The following MACF1 variants were observed in gnomAD, a reference collection of about 807,000 sequenced individuals.
MACF1 encodes the protein microtubule actin crosslinking factor 1.
In MACF1, 193 loss-of-function variants were observed where a neutral mutation model predicts 854.8. The observed-to-expected ratio is 0.23, with a 90% CI of 0.20 to 0.25. The LOEUF (loss-of-function observed/expected upper bound fraction) is 0.25. Among genes scored for constraint, MACF1 ranks in the 10% least tolerant of loss-of-function variants. The probability of loss-of-function intolerance (pLI) is 1.00; values close to 1 mark genes in which losing one functional copy is unlikely to be tolerated. For missense variants in MACF1, 7,722 were observed against 8,929.1 expected (o/e 0.86, Z 5.45); for synonymous variants, 3,185 against 3,226.7 (o/e 0.99, Z 0.44).
chr1:39,281,363 A>G (rs1381161267), intron 6 of MACF1, among the ~76,000 whole-genome samples: 1 of 152,174 alleles, frequency 6.6e-6, no homozygotes, highest in East Asian at 1.9e-4. Flanking sequence ...ATATGACTGT[A>G]TACTTAAATG....
intron 95 of MACF1, chr1:39,468,312 C>A: frequency 4.5e-6 from 1 of 222,188 alleles, no homozygotes; most frequent in Non-Finnish European, 9.0e-6. Flanking sequence ...TTGCTTGAAC[C>A]TGGGAGGCAG....
In MACF1 at chr1:39,441,294, A is replaced by G. The variant is rs1188503313; in HGVS notation, c.18641A>G (p.Gln6214Arg). The change falls in exon 74 of 101, where the codon CAA becomes CGA. Residue 6214 changes from glutamine (Q) to arginine (R), a missense_variant. Physicochemically the swap from Gln to Arg is conservative, Grantham distance 43 (BLOSUM62 1). Around this residue, in one of 15 missense-constraint regions of MACF1, gnomAD observed 2,807 missense variants for 3,235.8 expected, o/e 0.87. Transcript: ENST00000564288. ...CTAGAAAAACTTGAGGATGCTATGC[A>G]AGCTGCTGTGCAGTATCAGGACACT... ...ERLEKLEDAM[Q>R]AAVQYQDTLQ... The G allele has an allele frequency of 6.2e-7, 1 of 1,614,186 alleles. No individual in the cohort carries two copies. Among genetic ancestry groups the G allele is most frequent in the South Asian group, 1.1e-5 (1 of 91,080 alleles).
At chr1:39,179,352 A>C (rs367961708) in intron 2 of MACF1, among the ~76,000 whole-genome samples, 1 of 152,168 alleles carries the variant, frequency 6.6e-6, no homozygotes, top group Non-Finnish European at 1.5e-5. Flanking sequence ...GATGAACCAT[A>C]CATGGGAGAG....
chr1:39,294,991 A>G (rs901212966), intron 18 of MACF1, 55 bp from the exon 19 acceptor site: 15 of 1,276,138 alleles, frequency 1.2e-5, no homozygotes, highest in South Asian at 9.7e-5. Context: ...TATTTATGCT[A>G]TCCGCTCCCC....
intron 47 of MACF1, among the ~76,000 whole-genome samples, chr1:39,360,264 T>A (rs1334697093): frequency 6.6e-6 from 1 of 151,670 alleles, no homozygotes; most frequent in Non-Finnish European, 1.5e-5. Flanking sequence ...CCTTCTGGGC[T>A]TCTCGAGGAC....
At chr1:39,448,823 C>G in intron 84 of MACF1, 60 bp downstream of exon 84, 2 of 1,388,360 alleles carry the variant, frequency 1.4e-6, no homozygotes. Flanking sequence ...GAGGTTCTTA[C>G]CAGATTCTAT....
chr1:39,110,230 C>CTTTTTTTT (rs5773651), intron 2 of MACF1, among the ~76,000 whole-genome samples: 10 of 84,592 alleles, frequency 1.2e-4, no homozygotes, highest in Admixed American at 1.7e-4. Context: ...GGATGTTGTT[C>CTTTTTTTT]TTTTTTTTTT....
chr1:39,137,643 G>C (rs1007248982), intron 2 of MACF1, among the ~76,000 whole-genome samples: 3 of 152,208 alleles, frequency 2.0e-5, no homozygotes, highest in African/African-American at 7.2e-5. Flanking sequence ...TGGGATTATA[G>C]GCATGAGCCA....
intron 94 of MACF1, 42 bp downstream of exon 94, chr1:39,463,728 C>A: frequency 6.4e-7 from 1 of 1,561,822 alleles, no homozygotes; most frequent in South Asian, 1.1e-5. Flanking sequence ...GGTGGTTTCT[C>A]ATATGTGGCT....
rs1035752941 is a variant in MACF1 at position 39,459,167 on chromosome 1, T to G, written c.21278T>G (p.Leu7093Arg). The change falls in exon 91 of 101, where the codon CTT (leucine) becomes CGT (arginine). Residue 7093 changes from leucine to arginine, a missense_variant. Coordinates refer to ENST00000564288, the MANE Select transcript of MACF1 (RefSeq NM_001394062.1). ...SEAKNPRINQLSARWQQVWLL... is the reference protein window; with the variant it reads ...SEAKNPRINQRSARWQQVWLL... ...GCAAAAAACCCACGGATCAACCAGC[T>G]TTCTGCCCGCTGGCAGCAGGTGTGG... The G allele has an allele frequency of 6.2e-7, 1 of 1,614,166 alleles. No homozygotes were observed. Among genetic ancestry groups the G allele is most frequent in the Admixed American group, 1.7e-5 (1 of 60,012 alleles).
At chr1:39,372,360 T>C in intron 51 of MACF1, 119 bp from the exon 52 acceptor site, 1 of 614,716 alleles carries the variant, frequency 1.6e-6, no homozygotes. Flanking sequence ...AATAAATAAA[T>C]CAGAAGGATG....
intron 58 of MACF1, among the ~76,000 whole-genome samples, chr1:39,407,623 C>A (rs1449261353): frequency 1.3e-5 from 2 of 152,106 alleles, no homozygotes; most frequent in East Asian, 1.9e-4. Context: ...AGAGAAAGGT[C>A]TTTTAGTTGC....
intron 97 of MACF1, among the ~76,000 whole-genome samples, chr1:39,477,406 G>T (rs1039704082): frequency 7.3e-5 from 11 of 151,640 alleles, no homozygotes; most frequent in African/African-American, 2.7e-4. Flanking sequence ...TTAATTTTTT[G>T]CAGAGATGGA....
At chr1:39,463,341 T>A (rs1432281751) in intron 93 of MACF1, among the ~76,000 whole-genome samples, 1 of 151,990 alleles carries the variant, frequency 6.6e-6, no homozygotes, top group African/African-American at 2.4e-5. Flanking sequence ...ATACAAAAAA[T>A]TAGCTGGGCC....
intron 58 of MACF1, among the ~76,000 whole-genome samples, chr1:39,395,455 T>C (rs1339789075): frequency 6.6e-6 from 1 of 152,264 alleles, no homozygotes; most frequent in Non-Finnish European, 1.5e-5. Context: ...TTATTTTTGC[T>C]GGCCTTAATC....
In MACF1 at chr1:39,361,082, G is replaced by A. The variant is rs1569701064; in HGVS notation, c.12453+81G>A. The A allele has an allele frequency of 2.6e-6, 3 of 1,172,572 alleles. No homozygotes were observed. In the East Asian group the frequency reaches 7.1e-5, roughly 28 times the overall value. 72.6% of individuals were successfully genotyped at this position (1,172,572 alleles called of 1,614,324 possible). ...TTACATAATGTTGAAAAAGTAACAA[G>A]AGGGAACCTAATATCTGTGAATCAT... On this transcript the variant is annotated intron_variant, in intron 48 of 100. Coordinates refer to ENST00000564288, the MANE Select transcript of MACF1 (RefSeq NM_001394062.1).
chr1:39,410,778 C>T (rs745896343), intron 58 of MACF1: 2 of 1,613,974 alleles, frequency 1.2e-6, no homozygotes, highest in Admixed American at 1.7e-5. Flanking sequence ...AGAAGGAGTC[C>T]AGTTCTGCAT....
intron 76 of MACF1, 43 bp downstream of exon 76, chr1:39,442,363 C>A: frequency 6.2e-7 from 1 of 1,605,068 alleles, no homozygotes; most frequent in Non-Finnish European, 8.5e-7. Context: ...ACTCTCCGCT[C>A]TTTTCTAATT....
At position 39,437,686 on chromosome 1, in the gene MACF1, AG is replaced by A. The variant is rs772931317; in HGVS notation, c.17989-90del. 2.5e-5 allele frequency: 25 copies of A among 996,818 alleles called. No homozygotes were observed. In the African/African-American group the frequency reaches 3.9e-4, roughly 16 times the overall value. 61.7% of individuals were successfully genotyped at this position (996,818 alleles called of 1,614,324 possible). ...CTGAGCACAGGTTATCCTAAACAGTAGTAGGATAATATCTTGTCCTTATTCC... is the reference window on the plus strand; with the variant it reads ...CTGAGCACAGGTTATCCTAAACAGTATAGGATAATATCTTGTCCTTATTCC... On this transcript the variant is annotated intron_variant, in intron 70 of 100. Coordinates refer to ENST00000564288, the MANE Select transcript of MACF1 (RefSeq NM_001394062.1).
Sources: allele counts gnomAD v4.1 joint callset (sites outside exome capture counted in the v4.1 genomes callset), GRCh38; gene constraint gnomAD v4.1.1; regional missense constraint gnomAD v4.1.1; transcripts MANE v1.5; gene names NCBI Gene and HGNC (gene_info 2026-07-23, HGNC 2026-07-21).